The following RBM20 variants were observed in gnomAD, a reference collection of about 807,000 sequenced individuals.
RBM20 encodes RNA-binding protein 20.
A neutral mutation model predicts 110.1 loss-of-function variants in RBM20; 51 were observed. That is an observed-to-expected ratio of 0.46 (90% CI 0.37 to 0.59). The LOEUF (loss-of-function observed/expected upper bound fraction) is 0.59. RBM20 is among the 20% of genes least tolerant of loss of function. The pLI, the probability that RBM20 is intolerant of heterozygous loss-of-function variation, is 0.00. For missense variants in RBM20, 1,512 were observed against 1,574.9 expected (o/e 0.96, Z 0.68); for synonymous variants, 589 against 618.2 (o/e 0.95, Z 0.70).
chr10:110,785,374 C>G (rs1450497855), intron 5 of RBM20, among the ~76,000 whole-genome samples: 1 of 152,104 alleles, frequency 6.6e-6, no homozygotes, highest in Non-Finnish European at 1.5e-5. Context: ...GTGACTCAGG[C>G]AGCCAAGGAG....
chr10:110,719,952 C>G (rs1843484797), intron 1 of RBM20, among the ~76,000 whole-genome samples: 1 of 151,846 alleles, frequency 6.6e-6, no homozygotes, highest in East Asian at 1.9e-4. Context: ...ATCAAGGCAC[C>G]AGCAAATTTG....
chr10:110,712,856 A>C (rs1213752178), intron 1 of RBM20, among the ~76,000 whole-genome samples: 1 of 152,168 alleles, frequency 6.6e-6, no homozygotes, highest in Admixed American at 6.5e-5. Context: ...TCCACTATAT[A>C]ATCTGTTTGG....
chr10:110,806,415 A>G (rs1844695989), intron 7 of RBM20, among the ~76,000 whole-genome samples: 1 of 152,220 alleles, frequency 6.6e-6, no homozygotes, highest in Non-Finnish European at 1.5e-5. Context: ...GGGGAAGCAG[A>G]CATGTCTTTC....
chr10:110,831,215 G>A (rs1435880433), intron 13 of RBM20, 33 bp downstream of exon 13: 5 of 1,545,380 alleles, frequency 3.2e-6, no homozygotes, highest in African/African-American at 2.7e-5. Context: ...CAGCATGCCA[G>A]GGGCTCCCCA....
At position 110,789,132 on chromosome 10, in the gene RBM20, C is replaced by T. The variant is rs1011716799; in HGVS notation, c.1527+4243C>T. On this transcript the variant is annotated intron_variant, in intron 5 of 13. Coordinates refer to ENST00000369519, the MANE Select transcript of RBM20 (RefSeq NM_001134363.3). ...AGTAAAACCAGGAACAGCCAGGATC[C>T]TGCCACTGTCTGATCATATCACTAA... Among the ~76,000 whole-genome samples, 4 of 152,208 alleles carry T rather than the reference C, an allele frequency of 2.6e-5. No homozygotes were observed. In the South Asian group the frequency reaches 6.2e-4, roughly 24 times the overall value.
chr10:110,784,861 C>A lies in RBM20; in HGVS notation c.1499C>A (p.Thr500Lys). The change falls in exon 5 of 14, where the codon ACA (threonine) becomes AAA (lysine). Residue 500 changes from threonine (T) to lysine (K), a missense_variant. This residue lies in a region of RBM20 where 1,149 missense variants were observed against 1,169.4 expected (regional missense o/e 0.98). Transcript: ENST00000369519. ...PARSFTQSSP[T>K]FPLASVGTTF... is the part of the protein sequence containing the mutation. ...AGGTCATTCACTCAGTCAAGCCCCACATTTCCTTTGGCTTCTGTGGGGACA... is the reference window on the plus strand; with the variant it reads ...AGGTCATTCACTCAGTCAAGCCCCAAATTTCCTTTGGCTTCTGTGGGGACA... 1 of 1,550,028 alleles carries A rather than the reference C, an allele frequency of 6.5e-7. No homozygotes were observed. Among genetic ancestry groups the A allele is most frequent in the Non-Finnish European group, 8.7e-7 (1 of 1,145,526 alleles).
At chr10:110,660,727 A>T (rs1473537543) in intron 1 of RBM20, among the ~76,000 whole-genome samples, 2 of 151,898 alleles carry the variant, frequency 1.3e-5, no homozygotes, top group East Asian at 3.8e-4. Context: ...TTGCAGGAAA[A>T]TAAGCTCAGG....
chr10:110,702,347 A>AC (rs5787868), intron 1 of RBM20, among the ~76,000 whole-genome samples: 7 of 151,524 alleles, frequency 4.6e-5, no homozygotes, highest in Admixed American at 1.3e-4. Context: ...CAAAAGTGAG[A>AC]CCCCCCCATC....
At chr10:110,795,307 C>T (rs778392404) in intron 5 of RBM20, among the ~76,000 whole-genome samples, 1 of 152,240 alleles carries the variant, frequency 6.6e-6, no homozygotes, top group Non-Finnish European at 1.5e-5. Flanking sequence ...CAGGCTCAGA[C>T]TCAAAGTCTC....
chr10:110,757,821 A>G (rs574298119), intron 1 of RBM20, among the ~76,000 whole-genome samples: 9 of 152,160 alleles, frequency 5.9e-5, no homozygotes, highest in African/African-American at 1.9e-4. Context: ...CATGGGGCCC[A>G]TGCTTAGACA....
At chr10:110,798,427 C>G (rs1189483196) in intron 6 of RBM20, among the ~76,000 whole-genome samples, 2 of 152,228 alleles carry the variant, frequency 1.3e-5, no homozygotes, top group East Asian at 3.8e-4. Context: ...TGAGACTACT[C>G]ACTTGTCTCT....
rs957123169 is a variant in RBM20, at chr10:110,644,832, G to C, written c.191+187G>C. ...TGTTTGTTAGGCTGGAAAGAGGGGA[G>C]CCAAGTTCTTTAGGGAAAATTATTT... On this transcript the variant is annotated intron_variant, in intron 1 of 13. Transcript: ENST00000369519. This position sits in a 1 kb window ranked among gnomAD's most constrained non-coding sequence, Gnocchi z 4.3. Among the ~76,000 whole-genome samples, 18 of 152,194 alleles carry C rather than the reference G, an allele frequency of 1.2e-4. No individual in the cohort carries two copies. The highest frequency in any genetic ancestry group is 4.3e-4 in the African/African-American group (18 of 41,442).
chr10:110,746,059 C>A (rs544166697), intron 1 of RBM20, among the ~76,000 whole-genome samples: 5 of 152,260 alleles, frequency 3.3e-5, no homozygotes, highest in African/African-American at 1.2e-4. Context: ...CTTGCCTGGG[C>A]TCGCTCATCA....
At chr10:110,715,180 A>G (rs1409195558) in intron 1 of RBM20, among the ~76,000 whole-genome samples, 2 of 152,200 alleles carry the variant, frequency 1.3e-5, no homozygotes, top group Non-Finnish European at 2.9e-5. Context: ...CCAGGGAGGC[A>G]GAGGCTGCAG....
intron 1 of RBM20, among the ~76,000 whole-genome samples, chr10:110,674,359 C>T (rs186676037): frequency 1.6e-4 from 25 of 152,328 alleles, no homozygotes; most frequent in African/African-American, 5.3e-4. Context: ...CTCTTAAAAC[C>T]AAGACTGCTG....
At chr10:110,728,362 C>A (rs575062887) in intron 1 of RBM20, among the ~76,000 whole-genome samples, 45 of 152,166 alleles carry the variant, frequency 3.0e-4, no homozygotes, top group Non-Finnish European at 6.0e-4. Flanking sequence ...CCACTCTTCT[C>A]AGGCAGTACA....
chr10:110,823,869 C>A (rs530192131), intron 12 of RBM20, among the ~76,000 whole-genome samples: 7 of 150,106 alleles, frequency 4.7e-5, no homozygotes, highest in East Asian at 4.0e-4. Flanking sequence ...AGGTACACAC[C>A]ACCAGGCCCG....
chr10:110,812,510 G>A lies in RBM20; in HGVS notation c.2113G>A (p.Asp705Asn), dbSNP rs995493100. 5 of 1,551,710 alleles carry A rather than the reference G, an allele frequency of 3.2e-6. No homozygotes were observed. The highest frequency in any genetic ancestry group is 3.9e-5 in the Admixed American group (2 of 51,006). Residue 705 changes from aspartate (D) to asparagine (N), a missense_variant, in exon 9 of 14, where the codon GAC (aspartate) becomes AAC (asparagine). By Grantham distance (23) the Asp-to-Asn change is conservative (BLOSUM62 1). Coordinates refer to ENST00000369519, the MANE Select transcript of RBM20 (RefSeq NM_001134363.3). ...CGGAGATGACAAGAGGGACAGGATG[G>A]ACCCCTGGGCACATGATCGCAAACA... Reference protein sequence around the residue: ...DNGDDKRDRMDPWAHDRKHHP... With the variant: ...DNGDDKRDRMNPWAHDRKHHP...
At chr10:110,681,603 G>C (rs191900688) in intron 1 of RBM20, among the ~76,000 whole-genome samples, 6 of 152,178 alleles carry the variant, frequency 3.9e-5, no homozygotes, top group Non-Finnish European at 7.4e-5. Flanking sequence ...GCTGCTCCCC[G>C]TTAGCCTGAG....
Sources: gnomAD v4.1 joint callset for allele counts (sites outside exome capture counted in the v4.1 genomes callset) on GRCh38, gnomAD v4.1.1 for gene constraint, gnomAD v4.1.1 regional missense constraint, Gnocchi (gnomAD v3.1) non-coding constraint, MANE v1.5 for transcripts, NCBI Gene and HGNC (gene_info 2026-07-23, HGNC 2026-07-21) for gene names.